The following MOB3B variants were observed in gnomAD, a reference collection of about 807,000 sequenced individuals.
MOB3B encodes MOB kinase activator 3B.
A neutral mutation model predicts 18.7 loss-of-function variants in MOB3B; 7 were observed. That is an observed-to-expected ratio of 0.37 (90% CI 0.21 to 0.70). The LOEUF is 0.70. MOB3B is among the 30% of genes least tolerant of loss of function. The pLI is 0.52. For missense variants in MOB3B, 253 were observed against 281.3 expected, an observed-to-expected ratio of 0.90 and a Z score of 0.72; for synonymous variants, 111 against 99.9, an observed-to-expected ratio of 1.11 and a Z score of -0.66.
intron 2 of MOB3B, among the ~76,000 whole-genome samples, chr9:27,408,558 A>G (rs1031523410): frequency 1.3e-5 from 2 of 152,124 alleles, no homozygotes; most frequent in Non-Finnish European, 2.9e-5. Flanking sequence ...CCAGTGCATT[A>G]TTTTGCATCT....
rs149638800 is a variant in MOB3B at position 27,385,345 on chromosome 9, G to A, written c.419-26109C>T. Among the ~76,000 whole-genome samples, 16 of 152,262 alleles carry A rather than the reference G, an allele frequency of 1.1e-4. No homozygotes were observed. In the East Asian group the frequency reaches 3.1e-3, roughly 29 times the overall value. Reference sequence around the variant, plus strand: ...CACTTCCAAGTGTCAGGCCCTGTACGAGGTAACCATGAGACAGAGTGACAA... The same window carrying A: ...CACTTCCAAGTGTCAGGCCCTGTACAAGGTAACCATGAGACAGAGTGACAA... On this transcript the variant is annotated intron_variant, in intron 2 of 3. Coordinates refer to ENST00000262244, the MANE Select transcript of MOB3B (RefSeq NM_024761.5).
rs147333336 is a variant in MOB3B, at chr9:27,486,138, C to T, written c.-198-30390G>A. On this transcript the variant is annotated intron_variant, in intron 1 of 3. Transcript: ENST00000262244. ...GAGCAAGTGCCACAAGACAGGACAA[C>T]GGGCAAGAGCTAGTTTCGATGGTGG... Among the ~76,000 whole-genome samples the T allele has an allele frequency of 7.8e-4, 119 of 152,248 alleles. 1 individual carries two copies. The highest frequency in any genetic ancestry group is 7.1e-3 in the South Asian group (34 of 4,820).
At chr9:27,512,183 A>G (rs113388071) in intron 1 of MOB3B, among the ~76,000 whole-genome samples, 11 of 152,242 alleles carry the variant, frequency 7.2e-5, no homozygotes, top group African/African-American at 2.6e-4. Context: ...AAGAGACCCA[A>G]CTGCAGCTCA....
intron 1 of MOB3B, among the ~76,000 whole-genome samples, chr9:27,511,605 G>A (rs1010933923): frequency 8.5e-5 from 13 of 152,068 alleles, no homozygotes; most frequent in Non-Finnish European, 1.6e-4. Context: ...AAAAAAAATA[G>A]CAAATTAATC....
At chr9:27,442,060 T>A (rs955302841) in intron 2 of MOB3B, among the ~76,000 whole-genome samples, 1 of 152,188 alleles carries the variant, frequency 6.6e-6, no homozygotes, top group Non-Finnish European at 1.5e-5. Context: ...TACTCAAAAA[T>A]TTTTTTGTTT....
rs148565743 is a variant in MOB3B, at chr9:27,380,064, C to T, written c.419-20828G>A. ...GTGCCAGTTCAGCAGAACCCACCCA[C>T]GCCTTTCTGGGAAAAGCTGGATCAA... On this transcript the variant is annotated intron_variant, in intron 2 of 3. Coordinates refer to ENST00000262244, the MANE Select transcript of MOB3B (RefSeq NM_024761.5). Among the ~76,000 whole-genome samples, 1,084 of 152,220 alleles carry T rather than the reference C, an allele frequency of 7.1e-3. 6 individuals carry two copies. Among genetic ancestry groups the T allele is most frequent in the Middle Eastern group, 0.014 (4 of 294 alleles).
chr9:27,489,828 T>G (rs1309857940), intron 1 of MOB3B, among the ~76,000 whole-genome samples: 2 of 137,270 alleles, frequency 1.5e-5, no homozygotes, highest in Non-Finnish European at 3.1e-5. Flanking sequence ...ACAAACTAAC[T>G]TCTTATGTTA....
rs1820740054 is a variant in MOB3B, at chr9:27,328,331, T to A, written c.*2256A>T. 1 of 151,540 alleles carries A rather than the reference T, an allele frequency of 6.6e-6. No individual in the cohort carries two copies. The highest frequency in any genetic ancestry group is 1.5e-5 in the Non-Finnish European group (1 of 67,950). 9.4% of individuals were successfully genotyped at this position (151,540 alleles called of 1,614,324 possible). ...TCAAGCAGAGGAGATAAAAATTGAC[T>A]GCAGAGATTTTCTTCAGAATGTGCC... On this transcript the variant is annotated 3_prime_UTR_variant, in exon 4 of 4. Coordinates refer to ENST00000262244, the MANE Select transcript of MOB3B (RefSeq NM_024761.5).
chr9:27,390,624 G>A (rs16911484), intron 2 of MOB3B, among the ~76,000 whole-genome samples: 6,480 of 152,238 alleles, frequency 0.043, 464 homozygotes, highest in African/African-American at 0.15. Context: ...CTGCAATCAG[G>A]GCGAAATCCT....
chr9:27,404,360 T>C (rs1821935355), intron 2 of MOB3B, among the ~76,000 whole-genome samples: 1 of 135,088 alleles, frequency 7.4e-6, no homozygotes, highest in Non-Finnish European at 1.6e-5. Flanking sequence ...TTTTTTTTTT[T>C]TTTTTTTTTT....
At chr9:27,411,851 T>A (rs1436695578) in intron 2 of MOB3B, among the ~76,000 whole-genome samples, 1 of 152,106 alleles carries the variant, frequency 6.6e-6, no homozygotes, top group Non-Finnish European at 1.5e-5. Flanking sequence ...TAATAACAAA[T>A]CAATTTTGGT....
chr9:27,348,311 A>AG (rs535436792), intron 3 of MOB3B, among the ~76,000 whole-genome samples: 112 of 152,298 alleles, frequency 7.4e-4, no homozygotes, highest in African/African-American at 2.5e-3. Flanking sequence ...TGGTTTAAAA[A>AG]TATTTTAAAA....
At chr9:27,372,926 C>A (rs1111764) in intron 2 of MOB3B, among the ~76,000 whole-genome samples, 2 of 151,944 alleles carry the variant, frequency 1.3e-5, no homozygotes, top group African/African-American at 4.8e-5. Context: ...GTTAGCGATA[C>A]TGGAAACTGG....
intron 2 of MOB3B, among the ~76,000 whole-genome samples, chr9:27,423,857 T>A (rs1053233324): frequency 7.9e-5 from 12 of 152,260 alleles, no homozygotes; most frequent in African/African-American, 2.9e-4. Flanking sequence ...AGGTGCTAAG[T>A]GCTTTAACAT....
intron 1 of MOB3B, among the ~76,000 whole-genome samples, chr9:27,496,371 A>G (rs906263891): frequency 2.6e-5 from 4 of 152,222 alleles, no homozygotes; most frequent in African/African-American, 9.6e-5. Flanking sequence ...AACGTGATCT[A>G]TTTACATAGC....
intron 1 of MOB3B, among the ~76,000 whole-genome samples, chr9:27,508,382 C>T (rs1820090688): frequency 6.6e-6 from 1 of 152,068 alleles, no homozygotes; most frequent in Non-Finnish European, 1.5e-5. Flanking sequence ...AAGACAGAAG[C>T]TTCTCCAGAA....
chr9:27,357,869 T>C (rs963819109), intron 3 of MOB3B, among the ~76,000 whole-genome samples: 9 of 98,298 alleles, frequency 9.2e-5, no homozygotes, highest in Non-Finnish European at 1.5e-4. Flanking sequence ...CTAGTCAACA[T>C]AATGAGATCC....
chr9:27,455,789 T>A (rs1394806464), intron 1 of MOB3B, 41 bp from the exon 2 acceptor site: 1 of 1,393,862 alleles, frequency 7.2e-7, no homozygotes, highest in African/African-American at 1.5e-5. Flanking sequence ...AGTGCCCAGT[T>A]CGCCTTTAAA....
At chr9:27,420,560 T>C (rs1194438084) in intron 2 of MOB3B, among the ~76,000 whole-genome samples, 31 of 78,606 alleles carry the variant, frequency 3.9e-4, no homozygotes, top group African/African-American at 1.2e-3. Flanking sequence ...TATATATATA[T>C]ATATATATAT....
Sources: gnomAD v4.1 joint callset for allele counts (sites outside exome capture counted in the v4.1 genomes callset) on GRCh38, gnomAD v4.1.1 for gene constraint, MANE v1.5 for transcripts, NCBI Gene and HGNC (gene_info 2026-07-23, HGNC 2026-07-21) for gene names.